Variants in PKP4 observed in about 807,000 individuals in gnomAD.
PKP4 encodes the protein plakophilin 4, also known as plakophilin-4.
PKP4 carries 90 observed loss-of-function variants against 145.1 expected under a neutral mutation model. The observed-to-expected ratio is 0.62, with a 90% CI of 0.52 to 0.74. The LOEUF (loss-of-function observed/expected upper bound fraction) is 0.74, where lower values mean the gene tolerates loss of function less well. PKP4 is among the 30% of genes least tolerant of loss of function. The pLI is 0.00. For synonymous variants in PKP4, 563 were observed against 577.2 expected (o/e 0.98, Z 0.35); for missense variants, 1,340 against 1,482.7 (o/e 0.90, Z 1.58).
At chr2:158,472,634 GAATT>G (rs1486496011) in intron 1 of PKP4, among the ~76,000 whole-genome samples, 1 of 110,676 alleles carries the variant, frequency 9.0e-6, no homozygotes, top group Non-Finnish European at 1.9e-5. Context: ...AAAAAAAAAA[GAATT>G]AAAAACTATC....
rs1336339067 is a variant in PKP4, at chr2:158,669,700, T to A, written c.2729-20T>A. 4 of 1,508,812 alleles carry A rather than the reference T, an allele frequency of 2.7e-6. No individual in the cohort carries two copies. The East Asian group carries it at 9.2e-5, about 35-fold the overall frequency. The allele number at this position is 1,508,812 out of a possible 1,614,324, so 93.5% of individuals were successfully genotyped here. ...CCTAGTACCTTCTGGAAGTAGAATT[T>A]ACTCTTTTGCCGTTGGCAGGCAAAT... is the stretch of plus-strand genomic sequence containing the variant. On this transcript the variant is annotated intron_variant, in intron 16 of 21. Coordinates refer to ENST00000389759, the MANE Select transcript of PKP4 (RefSeq NM_003628.6).
intron 2 of PKP4, among the ~76,000 whole-genome samples, chr2:158,564,776 G>GGT (rs1341445502): frequency 3.3e-5 from 5 of 152,130 alleles, no homozygotes; most frequent in African/African-American, 1.2e-4. Context: ...TATAGTTTGA[G>GGT]GTGGTAATCT....
chr2:158,569,675 A>C (rs2047267212), intron 2 of PKP4, among the ~76,000 whole-genome samples: 1 of 152,180 alleles, frequency 6.6e-6, no homozygotes, highest in Non-Finnish European at 1.5e-5. Flanking sequence ...GTGTTGCCTA[A>C]GTTGTGTTCT....
intron 1 of PKP4, among the ~76,000 whole-genome samples, chr2:158,464,405 A>G (rs1690261126): frequency 6.6e-6 from 1 of 152,232 alleles, no homozygotes; most frequent in Non-Finnish European, 1.5e-5. Flanking sequence ...CTTCTATAAA[A>G]AGTAATTTAA....
intron 1 of PKP4, among the ~76,000 whole-genome samples, chr2:158,461,256 G>C (rs1689717411): frequency 6.6e-6 from 1 of 152,158 alleles, no homozygotes; most frequent in African/African-American, 2.4e-5. Flanking sequence ...GATGTTACAT[G>C]ATGGTGATCT....
chr2:158,590,118 T>G (rs1002048259), intron 3 of PKP4, among the ~76,000 whole-genome samples: 1 of 152,064 alleles, frequency 6.6e-6, no homozygotes, highest in Non-Finnish European at 1.5e-5. Flanking sequence ...TTGCATAGAT[T>G]TTTCTATGCT....
chr2:158,577,142 C>T, intron 2 of PKP4, 129 bp from the exon 3 acceptor site: 1 of 527,100 alleles, frequency 1.9e-6, no homozygotes. Context: ...AATTGCATTT[C>T]ACAAAGCCAC....
At chr2:158,677,585 T>C (rs983499186) in intron 20 of PKP4, among the ~76,000 whole-genome samples, 1 of 152,198 alleles carries the variant, frequency 6.6e-6, no homozygotes, top group Non-Finnish European at 1.5e-5. Flanking sequence ...TACTCTTTTC[T>C]CAAACCTGTC....
At chr2:158,476,408 G>A (rs1692484782) in intron 1 of PKP4, among the ~76,000 whole-genome samples, 1 of 152,080 alleles carries the variant, frequency 6.6e-6, no homozygotes, top group South Asian at 2.1e-4. Context: ...ATAGCTCACT[G>A]CAACCTTGAC....
chr2:158,555,909 G>A (rs1475252133), intron 2 of PKP4, among the ~76,000 whole-genome samples: 3 of 152,130 alleles, frequency 2.0e-5, no homozygotes, highest in Non-Finnish European at 4.4e-5. Context: ...ACTGAGCTTG[G>A]TTTTTTCCAT....
chr2:158,469,137 T>C (rs1305037908), intron 1 of PKP4, among the ~76,000 whole-genome samples: 3 of 151,918 alleles, frequency 2.0e-5, no homozygotes, highest in Non-Finnish European at 4.4e-5. Context: ...TTGCCCAGGC[T>C]GGAGGGCAGT....
rs143402932 is a variant in PKP4 at position 158,519,455 on chromosome 2, C to T, written c.-5-13725C>T. ...CTGCCAGTGACAAAATGCTTGGGCA[C>T]TTGCAGGGTAGGCGCTGACCACCCA... is the stretch of plus-strand genomic sequence containing the variant. On this transcript the variant is annotated intron_variant, in intron 1 of 21. Transcript: ENST00000389759. Among the ~76,000 whole-genome samples the T allele has an allele frequency of 4.8e-3, 729 of 152,270 alleles. 1 individual carries two copies. The highest frequency in any genetic ancestry group is 0.016 in the African/African-American group (667 of 41,554).
At position 158,664,900 on chromosome 2, in the gene PKP4, A is replaced by G. The variant is rs541721638; in HGVS notation, c.2577+1455A>G. Among the ~76,000 whole-genome samples, 33 of 152,156 alleles carry G rather than the reference A, an allele frequency of 2.2e-4. No individual in the cohort carries two copies. The South Asian group carries it at 6.2e-3, about 29-fold the overall frequency. Reference sequence around the variant, plus strand: ...TTTATAAACATTTATGTTGTAGAACAGCGTTCACCTTCAGCTTCTGTGACC... The same window carrying G: ...TTTATAAACATTTATGTTGTAGAACGGCGTTCACCTTCAGCTTCTGTGACC... On this transcript the variant is annotated intron_variant, in intron 15 of 21. Coordinates refer to ENST00000389759, the MANE Select transcript of PKP4 (RefSeq NM_003628.6).
Position 158,493,495 on chromosome 2 carries a change from G to C in PKP4, c.-6+36277G>C, listed in dbSNP as rs186849746. 1.7e-3 allele frequency among the ~76,000 whole-genome samples: 255 copies of C among 152,238 alleles called. 2 individuals carry two copies. The highest frequency in any genetic ancestry group is 5.8e-3 in the African/African-American group (242 of 41,544). On this transcript the variant is annotated intron_variant, in intron 1 of 21. Transcript: ENST00000389759. ...GTGGTTACCCTAGCAGCTCATCAGT[G>C]AATCCCATTTAACCCTCACATTTGG...
intron 1 of PKP4, among the ~76,000 whole-genome samples, chr2:158,508,764 TACTGTTG>T: frequency 6.6e-6 from 1 of 152,330 alleles, no homozygotes; most frequent in South Asian, 2.1e-4. Context: ...AAACAGATGG[TACTGTTG>T]ACACAGGCTT....
intron 1 of PKP4, among the ~76,000 whole-genome samples, chr2:158,499,196 A>G (rs938535666): frequency 2.0e-5 from 3 of 152,160 alleles, no homozygotes; most frequent in Non-Finnish European, 2.9e-5. Flanking sequence ...TGTTAAATAC[A>G]TAAGATAAAA....
intron 2 of PKP4, among the ~76,000 whole-genome samples, chr2:158,549,446 T>C (rs2045396708): frequency 6.6e-6 from 1 of 152,114 alleles, no homozygotes. Flanking sequence ...TAGTGGCCCT[T>C]CACCTACGCC....
At chr2:158,572,702 A>G (rs1422221726) in intron 2 of PKP4, among the ~76,000 whole-genome samples, 1 of 152,244 alleles carries the variant, frequency 6.6e-6, no homozygotes, top group Non-Finnish European at 1.5e-5. Flanking sequence ...GATAGTTACG[A>G]TACCTATGAG....
chr2:158,467,500 C>T (rs1190991725), intron 1 of PKP4, among the ~76,000 whole-genome samples: 3 of 143,656 alleles, frequency 2.1e-5, no homozygotes, highest in East Asian at 4.1e-4. Context: ...TGCAGTGAGC[C>T]ATGATCTCAC....
Sources: gnomAD v4.1 joint callset for allele counts (sites outside exome capture counted in the v4.1 genomes callset) on GRCh38, gnomAD v4.1.1 for gene constraint, MANE v1.5 for transcripts, NCBI Gene and HGNC (gene_info 2026-07-23, HGNC 2026-07-21) for gene names.